TMEM163: variants seen among roughly 807,000 people sequenced by gnomAD.
TMEM163 encodes the protein transmembrane protein 163.
Under a neutral mutation model 29.3 loss-of-function variants are expected in TMEM163, and 17 were observed. That is an observed-to-expected ratio of 0.58 (90% CI 0.40 to 0.87). The LOEUF is 0.87. TMEM163 is among the 40% of genes least tolerant of loss of function. TMEM163 has a pLI of 0.00. For missense variants in TMEM163, 303 were observed against 381.5 expected (o/e 0.79, Z 1.71); for synonymous variants, 157 against 160.6 (o/e 0.98, Z 0.17).
chr2:134,644,315 T>C (rs1241055605), intron 2 of TMEM163, among the ~76,000 whole-genome samples: 1 of 152,010 alleles, frequency 6.6e-6, no homozygotes, highest in Non-Finnish European at 1.5e-5. Context: ...AACGATGTTT[T>C]TGAAAAAGAA....
intron 2 of TMEM163, among the ~76,000 whole-genome samples, chr2:134,686,694 A>G (rs1311442355): frequency 6.6e-6 from 1 of 152,218 alleles, no homozygotes; most frequent in African/African-American, 2.4e-5. Flanking sequence ...TAATACTAAG[A>G]AATTTGGAGG....
chr2:134,528,519 G>T (rs1558934704), intron 4 of TMEM163, among the ~76,000 whole-genome samples: 1 of 152,188 alleles, frequency 6.6e-6, no homozygotes, highest in Non-Finnish European at 1.5e-5. Flanking sequence ...AAAAGTTAGG[G>T]TATGGTGAGG....
chr2:134,709,289 T>G (rs932559940), intron 2 of TMEM163, among the ~76,000 whole-genome samples: 2 of 152,250 alleles, frequency 1.3e-5, no homozygotes, highest in African/African-American at 4.8e-5. Context: ...ATATTCAAGA[T>G]GTATTACCAT....
chr2:134,597,477 G>A (rs1174963978), intron 2 of TMEM163, among the ~76,000 whole-genome samples: 8 of 152,286 alleles, frequency 5.3e-5, no homozygotes, highest in African/African-American at 1.9e-4. Context: ...CTTGATCATG[G>A]TGGATGAGCT....
At chr2:134,556,923 G>T (rs959768762) in intron 2 of TMEM163, among the ~76,000 whole-genome samples, 1 of 152,242 alleles carries the variant, frequency 6.6e-6, no homozygotes, top group Non-Finnish European at 1.5e-5. Flanking sequence ...GTTGGGTTCT[G>T]CATTGGGTGC....
intron 2 of TMEM163, among the ~76,000 whole-genome samples, chr2:134,559,807 T>C (rs570507163): frequency 5.9e-5 from 9 of 152,338 alleles, no homozygotes; most frequent in African/African-American, 2.2e-4. Flanking sequence ...TGCCTTTTGC[T>C]AGTGTTCTGG....
chr2:134,497,609 C>T (rs538499987), intron 5 of TMEM163, among the ~76,000 whole-genome samples: 1 of 152,200 alleles, frequency 6.6e-6, no homozygotes, highest in Non-Finnish European at 1.5e-5. Context: ...CTTTGTAAAG[C>T]GTGCGACTGT....
At chr2:134,479,544 GGAAACACACA>G (rs1181157610) in intron 5 of TMEM163, among the ~76,000 whole-genome samples, 118 of 152,256 alleles carry the variant, frequency 7.8e-4, no homozygotes, top group African/African-American at 2.8e-3. Context: ...AACAAGTTGT[GGAAACACACA>G]TCCCTGGGGC....
At chr2:134,640,367 A>G (rs1375360667) in intron 2 of TMEM163, among the ~76,000 whole-genome samples, 1 of 152,182 alleles carries the variant, frequency 6.6e-6, no homozygotes, top group African/African-American at 2.4e-5. Flanking sequence ...CCCAAAAAAG[A>G]AAAGAAATAG....
intron 2 of TMEM163, among the ~76,000 whole-genome samples, chr2:134,674,350 T>TTTTG (rs1684058780): frequency 6.8e-6 from 1 of 147,664 alleles, no homozygotes; most frequent in African/African-American, 2.5e-5. Context: ...ATTTTTTTTT[T>TTTTG]TTTTTTTTTT....
intron 4 of TMEM163, among the ~76,000 whole-genome samples, chr2:134,517,375 T>G (rs541286833): frequency 5.9e-5 from 9 of 152,164 alleles, no homozygotes; most frequent in Non-Finnish European, 1.3e-4. Context: ...TACGGAGAAA[T>G]AGAGAGCTGG....
chr2:134,523,069 G>A (rs997572641), intron 4 of TMEM163, among the ~76,000 whole-genome samples: 1 of 152,148 alleles, frequency 6.6e-6, no homozygotes, highest in Non-Finnish European at 1.5e-5. Flanking sequence ...TGCCAGAGGT[G>A]GTTCAACCAA....
chr2:134,554,422 C>CAAAAAA lies in TMEM163; in HGVS notation c.323-2337_323-2332dup, dbSNP rs941286100. ...TTGGTGACAGAGCGAGACCCCATCT[C>CAAAAAA]AAAAAAAAAAAAAAAAAAAAAAAAA... On this transcript the variant is annotated intron_variant, in intron 2 of 7. Coordinates refer to ENST00000281924, the MANE Select transcript of TMEM163 (RefSeq NM_030923.5). Among the ~76,000 whole-genome samples the CAAAAAA allele has an allele frequency of 5.4e-3, 115 of 21,144 alleles. 8 individuals are homozygous for CAAAAAA. Among genetic ancestry groups the CAAAAAA allele is most frequent in the African/African-American group, 0.013 (99 of 7,428 alleles). 13.9% of individuals were successfully genotyped at this position (21,144 alleles called of 152,430 possible).
At chr2:134,658,356 T>TGTG (rs923896127) in intron 2 of TMEM163, among the ~76,000 whole-genome samples, 4 of 152,188 alleles carry the variant, frequency 2.6e-5, no homozygotes, top group African/African-American at 9.7e-5. Context: ...GAAAGGCCTT[T>TGTG]GTGAGGTTTT....
At chr2:134,523,357 T>C (rs1440697491) in intron 4 of TMEM163, among the ~76,000 whole-genome samples, 1 of 152,142 alleles carries the variant, frequency 6.6e-6, no homozygotes, top group African/African-American at 2.4e-5. Flanking sequence ...AAAGGTCACA[T>C]GCCAAAAACT....
chr2:134,544,718 CG>C (rs1471108869), intron 4 of TMEM163, among the ~76,000 whole-genome samples: 1 of 152,238 alleles, frequency 6.6e-6, no homozygotes, highest in East Asian at 1.9e-4. Context: ...TTGCTTGAAC[CG>C]GGGAGGCAGA....
chr2:134,668,102 C>A (rs1683907439), intron 2 of TMEM163, among the ~76,000 whole-genome samples: 2 of 152,138 alleles, frequency 1.3e-5, no homozygotes, highest in Non-Finnish European at 2.9e-5. Context: ...CAAAACCCTA[C>A]AAACCAAAGA....
intron 4 of TMEM163, among the ~76,000 whole-genome samples, chr2:134,546,400 T>G (rs1237936045): frequency 6.6e-6 from 1 of 152,206 alleles, no homozygotes; most frequent in Non-Finnish European, 1.5e-5. Context: ...ACCAGCACTT[T>G]GAGAGGTCAA....
intron 2 of TMEM163, among the ~76,000 whole-genome samples, chr2:134,668,558 G>A (rs950182609): frequency 6.6e-6 from 1 of 151,606 alleles, no homozygotes; most frequent in Non-Finnish European, 1.5e-5. Flanking sequence ...GCAGGAGGCA[G>A]AGGTTGCAGT....
Sources: allele counts gnomAD v4.1 joint callset (sites outside exome capture counted in the v4.1 genomes callset), GRCh38; gene constraint gnomAD v4.1.1; transcripts MANE v1.5; gene names NCBI Gene and HGNC (gene_info 2026-07-23, HGNC 2026-07-21).